MAP2K6: variants seen among roughly 807,000 people sequenced by gnomAD.
MAP2K6 encodes dual specificity mitogen-activated protein kinase kinase 6.
Under a neutral mutation model 53.7 loss-of-function variants are expected in MAP2K6, and 16 were observed. That is an observed-to-expected ratio of 0.30 (90% CI 0.20 to 0.45). The LOEUF is 0.45. Among genes scored for constraint, MAP2K6 ranks in the 20% least tolerant of loss-of-function variants. The pLI is 1.00. For missense variants in MAP2K6, 204 were observed against 411.9 expected (o/e 0.50, Z 4.37); for synonymous variants, 132 against 143.1 (o/e 0.92, Z 0.55).
At chr17:69,474,363 A>G (rs1004003947) in intron 1 of MAP2K6, among the ~76,000 whole-genome samples, 3 of 152,192 alleles carry the variant, frequency 2.0e-5, no homozygotes, top group African/African-American at 7.2e-5. Context: ...AATCATTAAT[A>G]GTATCCTCTT....
chr17:69,506,543 G>T (rs1909493397), intron 2 of MAP2K6, among the ~76,000 whole-genome samples: 1 of 152,154 alleles, frequency 6.6e-6, no homozygotes, highest in South Asian at 2.1e-4. Flanking sequence ...ACTCACAATA[G>T]AGGTGTTAGA....
chr17:69,539,957 A>G (rs1437555532), intron 11 of MAP2K6, among the ~76,000 whole-genome samples: 1 of 152,194 alleles, frequency 6.6e-6, no homozygotes, highest in Non-Finnish European at 1.5e-5. Context: ...TCAGAGCTTC[A>G]GTTGATTTCA....
At chr17:69,523,780 C>G in intron 8 of MAP2K6, 139 bp downstream of exon 8, 1 of 1,104,078 alleles carries the variant, frequency 9.1e-7, no homozygotes, top group East Asian at 2.4e-5. Flanking sequence ...AGTATTTCTT[C>G]AAAATTTTAT....
intron 7 of MAP2K6, among the ~76,000 whole-genome samples, chr17:69,523,217 T>C (rs1486402826): frequency 1.3e-5 from 2 of 152,262 alleles, no homozygotes; most frequent in African/African-American, 4.8e-5. Context: ...AATAATTTTT[T>C]AGGCTCTTAC....
At chr17:69,534,562 CTT>C (rs1223900212) in intron 10 of MAP2K6, among the ~76,000 whole-genome samples, 14 of 117,332 alleles carry the variant, frequency 1.2e-4, no homozygotes, top group African/African-American at 3.4e-4. Flanking sequence ...TTCTCTCTCT[CTT>C]TTTTTTTTTT....
intron 10 of MAP2K6, among the ~76,000 whole-genome samples, chr17:69,532,810 C>G (rs1158483122): frequency 6.6e-6 from 1 of 152,126 alleles, no homozygotes; most frequent in Non-Finnish European, 1.5e-5. Context: ...GGCCATGAGT[C>G]AAGGAATAGC....
chr17:69,462,588 C>A (rs1907656300), intron 1 of MAP2K6, among the ~76,000 whole-genome samples: 1 of 152,100 alleles, frequency 6.6e-6, no homozygotes, highest in Non-Finnish European at 1.5e-5. Context: ...TGTGTATAGG[C>A]CATGGATATT....
chr17:69,483,360 C>G (rs1463646954), intron 1 of MAP2K6, among the ~76,000 whole-genome samples: 1 of 151,820 alleles, frequency 6.6e-6, no homozygotes, highest in Non-Finnish European at 1.5e-5. Flanking sequence ...TTATAATATC[C>G]TCAAAAAGAA....
At chr17:69,528,283 AGTT>A in intron 10 of MAP2K6, among the ~76,000 whole-genome samples, 1 of 152,060 alleles carries the variant, frequency 6.6e-6, no homozygotes, top group African/African-American at 2.4e-5. Flanking sequence ...GCTGGTCTGC[AGTT>A]GTTTGTTTTT....
intron 1 of MAP2K6, among the ~76,000 whole-genome samples, chr17:69,474,442 A>G (rs1908073072): frequency 6.6e-6 from 1 of 152,224 alleles, no homozygotes; most frequent in African/African-American, 2.4e-5. Flanking sequence ...GTGGCTGAGT[A>G]AAATCTTCTA....
rs576234268 is a variant in MAP2K6 at position 69,524,408 on chromosome 17, C to T, written c.664-493C>T. Among the ~76,000 whole-genome samples, 282 of 150,808 alleles carry T rather than the reference C, an allele frequency of 1.9e-3. 2 individuals are homozygous for T. Among genetic ancestry groups the T allele is most frequent in the Middle Eastern group, 0.01 (3 of 294 alleles). On this transcript the variant is annotated intron_variant, in intron 8 of 11. Coordinates refer to ENST00000590474, the MANE Select transcript of MAP2K6 (RefSeq NM_002758.4). The stretch of plus-strand genomic sequence containing the variant: ...GAAGATTCACCGTCATTAGCAGAGA[C>T]CTTGCAATCCCCTTTAACTGGAGGA...
chr17:69,551,935 T>G lies in MAP2K6; in HGVS notation c.*10182T>G, dbSNP rs1912116470. 6.6e-6 allele frequency: 1 copy of G among 152,200 alleles called. No individual in the cohort carries two copies. Among genetic ancestry groups the G allele is most frequent in the African/African-American group, 2.4e-5 (1 of 41,446 alleles). The allele number at this position is 152,200 out of a possible 1,614,324, so 9.4% of individuals were successfully genotyped here. On this transcript the variant is annotated 3_prime_UTR_variant, in exon 12 of 12. Coordinates refer to ENST00000590474, the MANE Select transcript of MAP2K6 (RefSeq NM_002758.4). ...ATCTTGATGAGACACTAGAATTTCT[T>G]TATGGAATTGAACTTTACAAGAATT...
intron 2 of MAP2K6, among the ~76,000 whole-genome samples, chr17:69,512,395 A>G (rs1169460743): frequency 8.0e-6 from 1 of 125,398 alleles, no homozygotes; most frequent in Non-Finnish European, 1.6e-5. Context: ...GCTGGAGTGC[A>G]GTGGTATGAT....
At chr17:69,510,834 T>TA (rs2145234678) in intron 2 of MAP2K6, among the ~76,000 whole-genome samples, 1 of 152,056 alleles carries the variant, frequency 6.6e-6, no homozygotes, top group East Asian at 1.9e-4. Flanking sequence ...ATAATTTGTG[T>TA]CTTCTTTTGT....
chr17:69,541,942 A>G lies in MAP2K6; in HGVS notation c.*189A>G. The G allele has an allele frequency of 2.1e-6, 1 of 477,530 alleles. No individual in the cohort carries two copies. The highest frequency in any genetic ancestry group is 3.9e-5 in the East Asian group (1 of 25,848). 29.6% of individuals were successfully genotyped at this position (477,530 alleles called of 1,614,324 possible). On this transcript the variant is annotated 3_prime_UTR_variant, in exon 12 of 12. Coordinates refer to ENST00000590474, the MANE Select transcript of MAP2K6 (RefSeq NM_002758.4). ...CCTTGGAATCTATAGTATAGAATGAACTGTCTAGATGGATGAATTATGATA... is the reference window on the plus strand; with the variant it reads ...CCTTGGAATCTATAGTATAGAATGAGCTGTCTAGATGGATGAATTATGATA...
At chr17:69,433,372 C>T (rs1906531235) in intron 1 of MAP2K6, 1 of 152,232 alleles carries the variant, frequency 6.6e-6, no homozygotes, top group South Asian at 2.1e-4. Flanking sequence ...CAGACTTTGA[C>T]TCTCTGGGGA....
chr17:69,503,709 T>C (rs964484592), intron 1 of MAP2K6, among the ~76,000 whole-genome samples: 11 of 152,222 alleles, frequency 7.2e-5, no homozygotes, highest in African/African-American at 2.7e-4. Flanking sequence ...ATTAATTTTT[T>C]AAATGACTTT....
intron 1 of MAP2K6, among the ~76,000 whole-genome samples, chr17:69,461,915 C>T (rs372600230): frequency 6.6e-6 from 1 of 152,172 alleles, no homozygotes; most frequent in South Asian, 2.1e-4. Flanking sequence ...ACTTTTCCTC[C>T]GTGGTTGGCA....
At chr17:69,441,363 A>C (rs894456470) in intron 1 of MAP2K6, among the ~76,000 whole-genome samples, 1 of 151,846 alleles carries the variant, frequency 6.6e-6, no homozygotes, top group South Asian at 2.1e-4. Context: ...TTCTATTGCT[A>C]TGTCTTCAAA....
Sources: gnomAD v4.1 joint callset for allele counts (sites outside exome capture counted in the v4.1 genomes callset) on GRCh38, gnomAD v4.1.1 for gene constraint, MANE v1.5 for transcripts, NCBI Gene and HGNC (gene_info 2026-07-23, HGNC 2026-07-21) for gene names.